Variants in LRP1B observed in about 807,000 individuals in gnomAD.
The protein encoded by LRP1B is low-density lipoprotein receptor-related protein 1B.
A neutral mutation model predicts 556.6 loss-of-function variants in LRP1B; 217 were observed. The ratio of observed to expected loss-of-function variants is 0.39; its 90% CI spans 0.35 to 0.44. The LOEUF (loss-of-function observed/expected upper bound fraction) is 0.44, where lower values mean the gene tolerates loss of function less well. Ranked by LOEUF, LRP1B falls within the 20% of genes least tolerant of loss-of-function variation. LRP1B has a pLI of 1.00. For synonymous variants in LRP1B, 2,047 were observed against 1,865.8 expected, an observed-to-expected ratio of 1.10 and a Z score of -2.50; for missense variants, 5,053 against 5,620.8, an observed-to-expected ratio of 0.90 and a Z score of 3.23.
At chr2:142,058,118 G>A (rs1292182570) in intron 1 of LRP1B, among the ~76,000 whole-genome samples, 2 of 152,094 alleles carry the variant, frequency 1.3e-5, no homozygotes, top group Non-Finnish European at 2.9e-5. Context: ...TGTTATTAAC[G>A]TATAGAAATA....
chr2:141,699,540 C>T (rs7595634), intron 2 of LRP1B, among the ~76,000 whole-genome samples: 60,229 of 151,094 alleles, frequency 0.4, 12,692 homozygotes, highest in East Asian at 0.67. Flanking sequence ...GATTTTCACT[C>T]TTACCCTCAA....
Position 141,995,238 on chromosome 2 carries a change from C to T in LRP1B, c.82+135410G>A, listed in dbSNP as rs138322237. 3.6e-3 allele frequency among the ~76,000 whole-genome samples: 544 copies of T among 152,262 alleles called. 7 individuals are homozygous for T. Among genetic ancestry groups the T allele is most frequent in the Admixed American group, 0.031 (466 of 15,278 alleles). ...CTCGGTTGGCCAAAAATCAAGGTGT[C>T]TGCAGTGCTAGTTCCTCCTACGGGA... is the stretch of plus-strand genomic sequence containing the variant. On this transcript the variant is annotated intron_variant, in intron 1 of 90. Coordinates refer to ENST00000389484, the MANE Select transcript of LRP1B (RefSeq NM_018557.3).
At position 140,492,706 on chromosome 2, in the gene LRP1B, A is replaced by G; in HGVS notation, c.9035-13T>C. 1 of 1,557,140 alleles carries G rather than the reference A, an allele frequency of 6.4e-7. No individual in the cohort carries two copies. The highest frequency in any genetic ancestry group is 8.9e-7 in the Non-Finnish European group (1 of 1,128,414). ...AAAGGTTCTTCATCTAAACACCAACACAAATAACATATTAGACTTTAAGTA... is the reference window on the plus strand; with the variant it reads ...AAAGGTTCTTCATCTAAACACCAACGCAAATAACATATTAGACTTTAAGTA... On this transcript the variant is annotated splice_polypyrimidine_tract_variant and intron_variant, in intron 56 of 90. Transcript: ENST00000389484.
Position 141,960,743 on chromosome 2 carries a change from G to A in LRP1B, c.83-150342C>T, listed in dbSNP as rs185701182. Among the ~76,000 whole-genome samples, 373 of 151,882 alleles carry A rather than the reference G, an allele frequency of 2.5e-3. 2 individuals are homozygous for A. The highest frequency in any genetic ancestry group is 4.4e-3 in the Non-Finnish European group (298 of 67,846). ...ATTTGTACTACGGACCTGGGAAATT[G>A]CATTCTGCAAAGATTATCTTTCTAT... On this transcript the variant is annotated intron_variant, in intron 1 of 90. Transcript: ENST00000389484.
At chr2:141,419,084 T>C (rs527615766) in intron 3 of LRP1B, among the ~76,000 whole-genome samples, 1 of 152,228 alleles carries the variant, frequency 6.6e-6, no homozygotes, top group East Asian at 1.9e-4. Flanking sequence ...CCAATTTGAA[T>C]GTCTTTTATT....
In LRP1B at chr2:140,252,812, G is replaced by A. The variant is rs1445240287; in HGVS notation, c.13248-5650C>T. ...TCTTGAAATCAACATCACATTTGTGGTGTTCCAAAATACTGTAGATGTATC... is the reference window on the plus strand; with the variant it reads ...TCTTGAAATCAACATCACATTTGTGATGTTCCAAAATACTGTAGATGTATC... On this transcript the variant is annotated intron_variant, in intron 86 of 90. Coordinates refer to ENST00000389484, the MANE Select transcript of LRP1B (RefSeq NM_018557.3). 2.0e-5 allele frequency among the ~76,000 whole-genome samples: 3 copies of A among 151,936 alleles called. No homozygotes were observed. The East Asian group carries it at 5.8e-4, about 29-fold the overall frequency.
At chr2:140,723,362 C>T (rs542259877) in intron 35 of LRP1B, among the ~76,000 whole-genome samples, 1 of 151,996 alleles carries the variant, frequency 6.6e-6, no homozygotes, top group African/African-American at 2.4e-5. Flanking sequence ...TCATCTTCTT[C>T]TTATTATTAT....
intron 2 of LRP1B, among the ~76,000 whole-genome samples, chr2:141,615,128 A>C (rs1221891998): frequency 1.3e-5 from 2 of 152,238 alleles, no homozygotes; most frequent in African/African-American, 4.8e-5. Context: ...TTTGTCACAA[A>C]GTAGCAGAGA....
chr2:141,605,295 A>G (rs967847243), intron 2 of LRP1B, among the ~76,000 whole-genome samples: 2 of 152,150 alleles, frequency 1.3e-5, no homozygotes, highest in African/African-American at 2.4e-5. Context: ...TTGGGGACAT[A>G]TGTGGCCCAC....
intron 2 of LRP1B, among the ~76,000 whole-genome samples, chr2:141,609,795 C>T (rs6739919): frequency 0.34 from 52,294 of 152,060 alleles, 11,539 homozygotes; most frequent in African/African-American, 0.63. Flanking sequence ...CTAACATGTC[C>T]TCTACCTAAA....
intron 2 of LRP1B, among the ~76,000 whole-genome samples, chr2:141,638,455 C>T (rs1689182980): frequency 6.7e-6 from 1 of 149,128 alleles, no homozygotes; most frequent in African/African-American, 2.5e-5. Context: ...TGGGCCAATA[C>T]AGTATCCATC....
intron 32 of LRP1B, among the ~76,000 whole-genome samples, chr2:140,798,841 A>G (rs927785140): frequency 2.6e-5 from 4 of 152,158 alleles, no homozygotes; most frequent in Admixed American, 1.3e-4. Flanking sequence ...GGCTTTGGAA[A>G]TAGACAGACT....
chr2:140,995,806 T>A (rs569028217), intron 15 of LRP1B, among the ~76,000 whole-genome samples: 1 of 152,150 alleles, frequency 6.6e-6, no homozygotes, highest in East Asian at 1.9e-4. Context: ...ATGTTCCAGG[T>A]TCTCTAAACA....
At chr2:141,856,806 G>A (rs1404777079) in intron 1 of LRP1B, among the ~76,000 whole-genome samples, 6 of 151,784 alleles carry the variant, frequency 4.0e-5, no homozygotes, top group South Asian at 2.1e-4. Context: ...CTCGCTCCCC[G>A]TTTCAACGAT....
intron 1 of LRP1B, among the ~76,000 whole-genome samples, chr2:142,093,862 TCTC>T (rs1574677391): frequency 6.6e-6 from 1 of 152,038 alleles, no homozygotes; most frequent in South Asian, 2.1e-4. Flanking sequence ...GCAATACACT[TCTC>T]CTTTTATAAT....
chr2:140,246,584 TTAAAGA>T (rs3033311), intron 87 of LRP1B, among the ~76,000 whole-genome samples: 127,515 of 150,682 alleles, frequency 0.85, 55,648 homozygotes, highest in East Asian at 0.97. Flanking sequence ...AACCAATACT[TTAAAGA>T]TAAAGAAGCA....
chr2:141,689,556 ATATAT>A (rs1308275410), intron 2 of LRP1B, among the ~76,000 whole-genome samples: 5 of 151,848 alleles, frequency 3.3e-5, no homozygotes, highest in African/African-American at 1.2e-4. Flanking sequence ...TGTATATTGT[ATATAT>A]AAGGGAAATT....
At chr2:142,111,301 G>A in intron 1 of LRP1B, among the ~76,000 whole-genome samples, 1 of 152,040 alleles carries the variant, frequency 6.6e-6, no homozygotes, top group East Asian at 1.9e-4. Flanking sequence ...ATCATGGCCA[G>A]TGTTATACAG....
intron 20 of LRP1B, among the ~76,000 whole-genome samples, chr2:140,924,198 C>A (rs1363427334): frequency 6.6e-6 from 1 of 151,880 alleles, no homozygotes; most frequent in African/African-American, 2.4e-5. Context: ...TGGTAGATAT[C>A]TATGGTTATA....
Sources: allele counts gnomAD v4.1 joint callset (sites outside exome capture counted in the v4.1 genomes callset), GRCh38; gene constraint gnomAD v4.1.1; transcripts MANE v1.5; gene names NCBI Gene and HGNC (gene_info 2026-07-23, HGNC 2026-07-21).